Variants in CTNNBIP1 observed in about 807,000 individuals in gnomAD.
The protein encoded by CTNNBIP1 is beta-catenin-interacting protein 1.
A neutral mutation model predicts 11.8 loss-of-function variants in CTNNBIP1; 7 were observed. The ratio of observed to expected loss-of-function variants is 0.60; its 90% CI spans 0.34 to 1.12. The LOEUF (loss-of-function observed/expected upper bound fraction) is 1.12, where lower values mean the gene tolerates loss of function less well. CTNNBIP1 is among the 50% of genes most tolerant of loss of function. The probability of loss-of-function intolerance (pLI) is 0.03; values close to 1 mark genes in which losing one functional copy is unlikely to be tolerated. For synonymous variants in CTNNBIP1, 58 were observed against 43.9 expected, an observed-to-expected ratio of 1.32 and a Z score of -1.26; for missense variants, 101 against 113.4, an observed-to-expected ratio of 0.89 and a Z score of 0.50.
intron 5 of CTNNBIP1, among the ~76,000 whole-genome samples, chr1:9,860,428 TAAAAAAAAAA>T (rs58165059): frequency 2.2e-5 from 1 of 45,544 alleles, no homozygotes; most frequent in Non-Finnish European, 4.3e-5. Flanking sequence ...CCGTCTCTAC[TAAAAAAAAAA>T]AAAAAAAAAA....
intron 1 of CTNNBIP1, among the ~76,000 whole-genome samples, chr1:9,884,174 A>G (rs1396140757): frequency 1.3e-5 from 2 of 152,088 alleles, no homozygotes; most frequent in Non-Finnish European, 2.9e-5. Context: ...GGGCGACGGG[A>G]CTGGGCCAGA....
chr1:9,852,573 G>T (rs141760996), intron 5 of CTNNBIP1, among the ~76,000 whole-genome samples: 69 of 152,334 alleles, frequency 4.5e-4, no homozygotes, highest in Non-Finnish European at 7.5e-4. Context: ...ACTGCAGGCA[G>T]AATTTTCCTA....
intron 1 of CTNNBIP1, among the ~76,000 whole-genome samples, chr1:9,895,533 G>T (rs1478601820): frequency 6.8e-6 from 1 of 146,044 alleles, no homozygotes; most frequent in Non-Finnish European, 1.5e-5. Flanking sequence ...GTCTTGCTCT[G>T]TCGCCAGGCT....
rs1024723909 is a variant in CTNNBIP1, at chr1:9,851,953, G to A, written c.188-1177C>T. Among the ~76,000 whole-genome samples, 13 of 152,154 alleles carry A rather than the reference G, an allele frequency of 8.5e-5. No homozygotes were observed. The highest frequency in any genetic ancestry group is 3.1e-4 in the African/African-American group (13 of 41,422). ...GCTGCTCTCACCCCCTTTGTAAAAGGCCAGATCTTCACTTTGCCCCGAAAA... is the reference window on the plus strand; with the variant it reads ...GCTGCTCTCACCCCCTTTGTAAAAGACCAGATCTTCACTTTGCCCCGAAAA... On this transcript the variant is annotated intron_variant, in intron 5 of 5. Coordinates refer to ENST00000377263, the MANE Select transcript of CTNNBIP1 (RefSeq NM_020248.3). The surrounding 1 kb of genome is among the most constrained non-coding windows in gnomAD (Gnocchi z 4.8).
rs924721158 is a variant in CTNNBIP1 at position 9,886,640 on chromosome 1, G to A, written c.-143-2902C>T. Among the ~76,000 whole-genome samples the A allele has an allele frequency of 5.3e-5, 8 of 152,160 alleles. No individual in the cohort carries two copies. The South Asian group carries it at 1.2e-3, about 24-fold the overall frequency. On this transcript the variant is annotated intron_variant, in intron 1 of 5. Coordinates refer to ENST00000377263, the MANE Select transcript of CTNNBIP1 (RefSeq NM_020248.3). ...TGTCATGGCCCAGCTAGTCCACATCGGAGCAGGATGGAACCCAGATTGTTC... is the reference window on the plus strand; with the variant it reads ...TGTCATGGCCCAGCTAGTCCACATCAGAGCAGGATGGAACCCAGATTGTTC...
intron 1 of CTNNBIP1, among the ~76,000 whole-genome samples, chr1:9,884,770 C>A (rs572169992): frequency 6.6e-6 from 1 of 152,068 alleles, no homozygotes; most frequent in Non-Finnish European, 1.5e-5. Context: ...GGGGCCAACC[C>A]GCGGGTGAGT....
chr1:9,878,390 C>T (rs1260794149), intron 2 of CTNNBIP1, among the ~76,000 whole-genome samples: 1 of 152,198 alleles, frequency 6.6e-6, no homozygotes, highest in East Asian at 1.9e-4. Context: ...AATGCCCCAC[C>T]TACCAAATCT....
rs1436037337 is a variant in CTNNBIP1 at position 9,850,154 on chromosome 1, A to G, written c.*564T>C. On this transcript the variant is annotated 3_prime_UTR_variant, in exon 6 of 6. Transcript: ENST00000377263. ...TTGTGTAATAAATATTGCAAAGCGCACTTGGTTTCTTTCTTTTCAAGTCAA... is the reference window on the plus strand; with the variant it reads ...TTGTGTAATAAATATTGCAAAGCGCGCTTGGTTTCTTTCTTTTCAAGTCAA... 1.3e-5 allele frequency: 2 copies of G among 152,730 alleles called. No individual in the cohort carries two copies. Among genetic ancestry groups the G allele is most frequent in the African/African-American group, 4.8e-5 (2 of 41,456 alleles). 9.5% of individuals were successfully genotyped at this position (152,730 alleles called of 1,614,324 possible).
rs377549491 is a variant in CTNNBIP1, at chr1:9,871,941, C to T, written c.96+28G>A. ...CCCTGGGAGACCCTCCCTGGGGGCC[C>T]GCTGCCTGACACCCCACAGGCACTC... is the stretch of plus-strand genomic sequence containing the variant. On this transcript the variant is annotated intron_variant, in intron 4 of 5. Transcript: ENST00000377263. The surrounding 1 kb of genome is among the most constrained non-coding windows in gnomAD (Gnocchi z 5.2). 27 of 1,595,776 alleles carry T rather than the reference C, an allele frequency of 1.7e-5. No homozygotes were observed. The highest frequency in any genetic ancestry group is 2.1e-5 in the Non-Finnish European group (25 of 1,163,464).
In CTNNBIP1 at chr1:9,867,251, G is replaced by A. The variant is rs1638765390; in HGVS notation, c.187+3936C>T. ...TCTCAGCCCAGCAGAGGCCAGGCAG[G>A]CTGGGAACTGGGGGGCCACTGGGGC... is the stretch of plus-strand genomic sequence containing the variant. On this transcript the variant is annotated intron_variant, in intron 5 of 5. Coordinates refer to ENST00000377263, the MANE Select transcript of CTNNBIP1 (RefSeq NM_020248.3). The surrounding 1 kb of genome is among the most constrained non-coding windows in gnomAD (Gnocchi z 4.6). Among the ~76,000 whole-genome samples, 1 of 152,186 alleles carries A rather than the reference G, an allele frequency of 6.6e-6. No homozygotes were observed. Among genetic ancestry groups the A allele is most frequent in the Non-Finnish European group, 1.5e-5 (1 of 68,020 alleles).
chr1:9,892,678 A>ATC (rs1206115872), intron 1 of CTNNBIP1, among the ~76,000 whole-genome samples: 8 of 152,160 alleles, frequency 5.3e-5, no homozygotes, highest in African/African-American at 1.7e-4. Context: ...TTGCATAAAG[A>ATC]TATAGGTGTA....
chr1:9,870,094 G>A (rs1638830004), intron 5 of CTNNBIP1, among the ~76,000 whole-genome samples: 1 of 152,216 alleles, frequency 6.6e-6, no homozygotes, highest in Non-Finnish European at 1.5e-5. Flanking sequence ...TTGGGAACAG[G>A]CCCCTGTGCC....
chr1:9,862,089 C>G (rs147202042), intron 5 of CTNNBIP1, among the ~76,000 whole-genome samples: 14 of 145,672 alleles, frequency 9.6e-5, no homozygotes, highest in Non-Finnish European at 1.5e-5. Context: ...TGTGATATGT[C>G]TTCCCAGGTA....
chr1:9,879,802 C>A (rs1231101655), intron 2 of CTNNBIP1, among the ~76,000 whole-genome samples: 2 of 152,108 alleles, frequency 1.3e-5, no homozygotes, highest in African/African-American at 4.8e-5. Context: ...GGGCTCAGAC[C>A]CTTCCAAGAA....
At chr1:9,862,888 C>T (rs1289311778) in intron 5 of CTNNBIP1, among the ~76,000 whole-genome samples, 7 of 152,228 alleles carry the variant, frequency 4.6e-5, no homozygotes, top group African/African-American at 7.2e-5. Flanking sequence ...TGAGTGGAAC[C>T]GTCCAGCCAT....
chr1:9,884,542 A>G (rs1380139942), intron 1 of CTNNBIP1, among the ~76,000 whole-genome samples: 1 of 152,192 alleles, frequency 6.6e-6, no homozygotes, highest in Admixed American at 6.5e-5. Flanking sequence ...TGTGGGAGCC[A>G]AGGGGACCTG....
intron 1 of CTNNBIP1, among the ~76,000 whole-genome samples, chr1:9,897,529 G>A (rs752236802): frequency 2.6e-5 from 4 of 152,140 alleles, no homozygotes; most frequent in African/African-American, 9.7e-5. Flanking sequence ...GCGCGTGCCT[G>A]TAATCCCAGC....
chr1:9,907,049 G>A (rs1027200647), intron 1 of CTNNBIP1, among the ~76,000 whole-genome samples: 4 of 152,186 alleles, frequency 2.6e-5, no homozygotes, highest in East Asian at 3.8e-4. Context: ...GGACACAGAC[G>A]CTTAACCATA....
intron 1 of CTNNBIP1, among the ~76,000 whole-genome samples, chr1:9,886,831 T>C (rs1032226646): frequency 6.6e-6 from 1 of 151,630 alleles, no homozygotes; most frequent in Non-Finnish European, 1.5e-5. Context: ...AAAAAGGGAG[T>C]GCCAGAGGGA....
Sources: gnomAD v4.1 joint callset for allele counts (sites outside exome capture counted in the v4.1 genomes callset) on GRCh38, gnomAD v4.1.1 for gene constraint, Gnocchi (gnomAD v3.1) non-coding constraint, MANE v1.5 for transcripts, NCBI Gene and HGNC (gene_info 2026-07-23, HGNC 2026-07-21) for gene names.